OXR1: variants seen among roughly 807,000 people sequenced by gnomAD.
The protein encoded by OXR1 is oxidation resistance protein 1.
A neutral mutation model predicts 104.6 loss-of-function variants in OXR1; 41 were observed. That is an observed-to-expected ratio of 0.39 (90% confidence interval 0.31 to 0.51). The LOEUF (loss-of-function observed/expected upper bound fraction) is 0.51, where lower values mean the gene tolerates loss of function less well. Ranked by LOEUF, OXR1 falls within the 20% of genes least tolerant of loss-of-function variation. OXR1 has a pLI of 0.77. For synonymous variants in OXR1, 348 were observed against 348.4 expected (o/e 1.00, Z 0.01); for missense variants, 955 against 1,031.9 (o/e 0.93, Z 1.02).
intron 3 of OXR1, among the ~76,000 whole-genome samples, chr8:106,626,637 A>G (rs1165009963): frequency 6.8e-6 from 1 of 147,746 alleles, no homozygotes; most frequent in Non-Finnish European, 1.5e-5. Flanking sequence ...AGCTTGAGGT[A>G]TGTGTTTAAT....
At chr8:106,551,044 C>T (rs1815761232) in intron 3 of OXR1, among the ~76,000 whole-genome samples, 1 of 152,170 alleles carries the variant, frequency 6.6e-6, no homozygotes, top group South Asian at 2.1e-4. Flanking sequence ...AACGTACTCC[C>T]AGTCCCAAAT....
chr8:106,642,599 C>T (rs1823744512), intron 3 of OXR1, among the ~76,000 whole-genome samples: 3 of 152,268 alleles, frequency 2.0e-5, no homozygotes, highest in Admixed American at 2.0e-4. Flanking sequence ...GCAGTCCTTC[C>T]ATTGGCTAAA....
intron 2 of OXR1, among the ~76,000 whole-genome samples, chr8:106,468,388 T>C (rs1821296541): frequency 6.6e-6 from 1 of 151,768 alleles, no homozygotes; most frequent in African/African-American, 2.4e-5. Flanking sequence ...TATTAGAAGA[T>C]AGCTATACAT....
chr8:106,414,381 G>A (rs989983366), intron 2 of OXR1, among the ~76,000 whole-genome samples: 2 of 151,976 alleles, frequency 1.3e-5, no homozygotes, highest in African/African-American at 4.8e-5. Context: ...TTGGGGAAAG[G>A]GAAGCTAGTG....
intron 3 of OXR1, among the ~76,000 whole-genome samples, chr8:106,639,011 G>C (rs967790887): frequency 6.6e-6 from 1 of 152,028 alleles, no homozygotes; most frequent in Non-Finnish European, 1.5e-5. Flanking sequence ...TCCCATCTAT[G>C]AAATAGAAAG....
chr8:106,321,300 G>A (rs568009907), intron 1 of OXR1, among the ~76,000 whole-genome samples: 356 of 152,274 alleles, frequency 2.3e-3, no homozygotes, highest in Non-Finnish European at 4.0e-3. Flanking sequence ...AAGAAAAAAT[G>A]TAATGGATTT....
chr8:106,372,562 G>A (rs373111371), intron 2 of OXR1, among the ~76,000 whole-genome samples: 30 of 152,104 alleles, frequency 2.0e-4, no homozygotes, highest in South Asian at 6.2e-4. Flanking sequence ...ATGTGATGCC[G>A]CAAATGAAAA....
chr8:106,430,774 G>T (rs1819331195), intron 2 of OXR1, among the ~76,000 whole-genome samples: 1 of 152,134 alleles, frequency 6.6e-6, no homozygotes, highest in Non-Finnish European at 1.5e-5. Context: ...TTTGCAGTCT[G>T]CTTGCTAGTT....
At chr8:106,445,959 C>T (rs1460316192) in intron 2 of OXR1, among the ~76,000 whole-genome samples, 1 of 152,180 alleles carries the variant, frequency 6.6e-6, no homozygotes, top group Non-Finnish European at 1.5e-5. Context: ...GTAACAAGAC[C>T]AGGGCCTTAC....
chr8:106,332,200 C>T (rs10808409), intron 1 of OXR1, among the ~76,000 whole-genome samples: 43,163 of 151,874 alleles, frequency 0.28, 7,052 homozygotes, highest in Admixed American at 0.35. Context: ...TTAGGATGCT[C>T]ACATGGTAAA....
chr8:106,392,444 A>G (rs1817621730), intron 2 of OXR1, among the ~76,000 whole-genome samples: 1 of 152,158 alleles, frequency 6.6e-6, no homozygotes, highest in Non-Finnish European at 1.5e-5. Context: ...AAGAGACAAG[A>G]GAATTTTTTT....
chr8:106,653,978 C>T (rs1024106960), intron 3 of OXR1, among the ~76,000 whole-genome samples: 2 of 151,870 alleles, frequency 1.3e-5, no homozygotes, highest in South Asian at 4.1e-4. Context: ...ACAATATCAA[C>T]AAAAAATAAA....
intron 2 of OXR1, among the ~76,000 whole-genome samples, chr8:106,389,806 C>T (rs2130439723): frequency 6.6e-6 from 1 of 152,272 alleles, no homozygotes; most frequent in Non-Finnish European, 1.5e-5. Flanking sequence ...TGGCTCATGC[C>T]TGTAATTCTA....
intron 2 of OXR1, among the ~76,000 whole-genome samples, chr8:106,361,374 C>A (rs1038862042): frequency 1.3e-5 from 2 of 152,136 alleles, no homozygotes; most frequent in Admixed American, 6.6e-5. Flanking sequence ...GCACTATCCT[C>A]GATTCTAGCT....
intron 2 of OXR1, among the ~76,000 whole-genome samples, chr8:106,429,246 C>G (rs1325295652): frequency 6.6e-6 from 1 of 152,248 alleles, no homozygotes; most frequent in African/African-American, 2.4e-5. Context: ...ACTCTCTGCC[C>G]TCTAGCCTGC....
chr8:106,688,803 G>T (rs767728262), intron 6 of OXR1, among the ~76,000 whole-genome samples: 1 of 152,222 alleles, frequency 6.6e-6, no homozygotes, highest in East Asian at 1.9e-4. Flanking sequence ...TGGCAGTCAA[G>T]GTCTAGATTC....
chr8:106,584,578 G>A (rs530379250), intron 3 of OXR1, among the ~76,000 whole-genome samples: 5 of 152,222 alleles, frequency 3.3e-5, no homozygotes, highest in African/African-American at 4.8e-5. Flanking sequence ...TAGAAGCTAC[G>A]AAGTAAGAGT....
At chr8:106,590,850 G>A (rs1221546872) in intron 3 of OXR1, among the ~76,000 whole-genome samples, 1 of 152,186 alleles carries the variant, frequency 6.6e-6, no homozygotes, top group Non-Finnish European at 1.5e-5. Flanking sequence ...CAGCTGGCGG[G>A]TGAGCTGATT....
chr8:106,466,691 A>C (rs1385609820), intron 2 of OXR1, among the ~76,000 whole-genome samples: 1 of 151,924 alleles, frequency 6.6e-6, no homozygotes, highest in Non-Finnish European at 1.5e-5. Flanking sequence ...AAGAAAATCT[A>C]CAGTTTGCAT....
Sources: gnomAD v4.1 joint callset for allele counts (sites outside exome capture counted in the v4.1 genomes callset) on GRCh38, gnomAD v4.1.1 for gene constraint, MANE v1.5 for transcripts, NCBI Gene and HGNC (gene_info 2026-07-23, HGNC 2026-07-21) for gene names.